BICD1: variants seen among roughly 807,000 people sequenced by gnomAD.
BICD1 encodes the protein protein bicaudal D homolog 1.
Under a neutral mutation model 92.5 loss-of-function variants are expected in BICD1, and 35 were observed. That is an observed-to-expected ratio of 0.38 (90% CI 0.29 to 0.50). The LOEUF is 0.50. Among genes scored for constraint, BICD1 ranks in the 20% least tolerant of loss-of-function variants. BICD1 has a pLI of 0.93. For missense variants in BICD1, 950 were observed against 1,189.8 expected, an observed-to-expected ratio of 0.80 and a Z score of 2.97; for synonymous variants, 429 against 465.1, an observed-to-expected ratio of 0.92 and a Z score of 1.00.
chr12:32,252,795 G>T (rs1002353954), intron 2 of BICD1, among the ~76,000 whole-genome samples: 2 of 152,158 alleles, frequency 1.3e-5, no homozygotes, highest in African/African-American at 2.4e-5. Context: ...GTCATGATAT[G>T]TCTCCTATAG....
chr12:32,321,449 C>T (rs988481246), intron 4 of BICD1, among the ~76,000 whole-genome samples: 1 of 152,154 alleles, frequency 6.6e-6, no homozygotes, highest in Non-Finnish European at 1.5e-5. Context: ...TTTACAAATA[C>T]TGAAGTCAGG....
At chr12:32,132,624 C>T (rs911753044) in intron 1 of BICD1, among the ~76,000 whole-genome samples, 10 of 152,252 alleles carry the variant, frequency 6.6e-5, no homozygotes, top group South Asian at 2.1e-4. Flanking sequence ...CCCGCCCCAA[C>T]GCCAAGGGGG....
chr12:32,183,315 C>T (rs1176192436), intron 1 of BICD1, among the ~76,000 whole-genome samples: 2 of 150,106 alleles, frequency 1.3e-5, no homozygotes, highest in East Asian at 3.9e-4. Context: ...GCTCTGTCAC[C>T]AGGCTGGAGT....
At position 32,359,820 on chromosome 12, in the gene BICD1, T is replaced by C. The variant is rs538635741; in HGVS notation, c.2765-7850T>C. Among the ~76,000 whole-genome samples, 24 of 152,262 alleles carry C rather than the reference T, an allele frequency of 1.6e-4. 1 individual carries two copies. In the South Asian group the frequency reaches 4.8e-3, roughly 30 times the overall value. On this transcript the variant is annotated intron_variant, in intron 8 of 9. Transcript: ENST00000652176. ...ACAGCAAGTTAGCAAAGATAATAAC[T>C]AAGAGTCTCATCAAGAGGCGTGTGT... is the stretch of plus-strand genomic sequence containing the variant.
chr12:32,273,297 GAC>G (rs1947189566), intron 2 of BICD1, among the ~76,000 whole-genome samples: 1 of 152,200 alleles, frequency 6.6e-6, no homozygotes, highest in South Asian at 2.1e-4. Flanking sequence ...TTGGAGTAGT[GAC>G]ACAGAGTCAG....
intron 1 of BICD1, among the ~76,000 whole-genome samples, chr12:32,195,882 G>C (rs889523020): frequency 1.3e-5 from 2 of 152,302 alleles, no homozygotes; most frequent in Admixed American, 1.3e-4. Flanking sequence ...CCATATGTTT[G>C]ATAAGGAGTT....
intron 1 of BICD1, among the ~76,000 whole-genome samples, chr12:32,125,871 G>A (rs1942309263): frequency 1.5e-5 from 2 of 129,728 alleles, no homozygotes; most frequent in Middle Eastern, 4.0e-3. Flanking sequence ...GCAAGACCCC[G>A]TCTCTAAAAA....
chr12:32,214,100 A>G (rs1032026091), intron 1 of BICD1, among the ~76,000 whole-genome samples: 1 of 152,178 alleles, frequency 6.6e-6, no homozygotes, highest in Non-Finnish European at 1.5e-5. Flanking sequence ...TTCTCAAAAT[A>G]TCTCAGATTT....
At chr12:32,284,901 T>C (rs1208100106) in intron 2 of BICD1, among the ~76,000 whole-genome samples, 1 of 152,208 alleles carries the variant, frequency 6.6e-6, no homozygotes, top group East Asian at 1.9e-4. Context: ...AATTTAACAT[T>C]TTATTCTACA....
chr12:32,128,194 G>C (rs370260284), intron 1 of BICD1, among the ~76,000 whole-genome samples: 1 of 152,130 alleles, frequency 6.6e-6, no homozygotes, highest in Non-Finnish European at 1.5e-5. Flanking sequence ...GTGAGCCACC[G>C]CACCCGGCCT....
At chr12:32,290,988 C>A (rs1033133082) in intron 2 of BICD1, among the ~76,000 whole-genome samples, 6 of 152,192 alleles carry the variant, frequency 3.9e-5, no homozygotes, top group Non-Finnish European at 8.8e-5. Context: ...TCTGAGCTAA[C>A]GCCACTACTT....
intron 1 of BICD1, among the ~76,000 whole-genome samples, chr12:32,212,612 C>T (rs1033024891): frequency 3.9e-5 from 6 of 152,084 alleles, no homozygotes; most frequent in Admixed American, 6.5e-5. Flanking sequence ...TTAACAGAGA[C>T]GGGGTTTTGC....
At chr12:32,374,909 C>A (rs1434752091) in intron 9 of BICD1, among the ~76,000 whole-genome samples, 10 of 84,338 alleles carry the variant, frequency 1.2e-4, no homozygotes, top group African/African-American at 3.5e-4. Flanking sequence ...CATTTATTTT[C>A]CTTTTTTTTT....
chr12:32,113,567 T>A (rs1023714457), intron 1 of BICD1, among the ~76,000 whole-genome samples: 2 of 150,592 alleles, frequency 1.3e-5, no homozygotes, highest in Non-Finnish European at 3.0e-5. Flanking sequence ...TTTTTGAGAC[T>A]GAGTCTCCCT....
intron 5 of BICD1, chr12:32,333,260 A>G (rs964893076): frequency 1.0e-6 from 1 of 984,932 alleles, no homozygotes; most frequent in African/African-American, 1.7e-5. Flanking sequence ...CTTGTGGATA[A>G]TTTTCTGAAT....
chr12:32,276,864 G>A (rs1163450532), intron 2 of BICD1, among the ~76,000 whole-genome samples: 1 of 152,094 alleles, frequency 6.6e-6, no homozygotes, highest in Non-Finnish European at 1.5e-5. Flanking sequence ...TGGGTATATT[G>A]GATCCAGGTA....
At chr12:32,136,397 A>G (rs1348065183) in intron 1 of BICD1, among the ~76,000 whole-genome samples, 2 of 152,192 alleles carry the variant, frequency 1.3e-5, no homozygotes, top group African/African-American at 4.8e-5. Context: ...GGGCTGGGGC[A>G]CTTTCCTCTA....
At chr12:32,257,978 A>C (rs902514875) in intron 2 of BICD1, among the ~76,000 whole-genome samples, 1 of 152,186 alleles carries the variant, frequency 6.6e-6, no homozygotes, top group African/African-American at 2.4e-5. Flanking sequence ...AGCTATTATG[A>C]AAGAGCTACT....
In BICD1 at chr12:32,110,922, G is replaced by A. The variant is rs187635432; in HGVS notation, c.213+3378G>A. ...TTAATGGGTGCAGCACACCAGCATG[G>A]CACATGTATACATATGTAACTAATC... is the stretch of plus-strand genomic sequence containing the variant. On this transcript the variant is annotated intron_variant, in intron 1 of 9. Coordinates refer to ENST00000652176, the MANE Select transcript of BICD1 (RefSeq NM_001714.4). 9.2e-5 allele frequency among the ~76,000 whole-genome samples: 14 copies of A among 151,806 alleles called. No individual in the cohort carries two copies. In the East Asian group the frequency reaches 2.7e-3, roughly 29 times the overall value.
Sources: allele counts gnomAD v4.1 joint callset (sites outside exome capture counted in the v4.1 genomes callset), GRCh38; gene constraint gnomAD v4.1.1; transcripts MANE v1.5; gene names NCBI Gene and HGNC (gene_info 2026-07-23, HGNC 2026-07-21).